Variants in SERP2 observed in about 807,000 individuals in gnomAD.
The protein encoded by SERP2 is stress-associated endoplasmic reticulum protein 2.
SERP2 carries 6 observed loss-of-function variants against 9.1 expected under a neutral mutation model. The ratio of observed to expected loss-of-function variants is 0.66; its 90% CI spans 0.36 to 1.30. SERP2 has a LOEUF of 1.30. Among genes scored for constraint, SERP2 ranks in the 50% most tolerant of loss-of-function variants. The pLI, the probability that SERP2 is intolerant of heterozygous loss-of-function variation, is 0.03. For synonymous variants in SERP2, 37 were observed against 27.3 expected, an observed-to-expected ratio of 1.35 and a Z score of -1.10; for missense variants, 58 against 81.9, an observed-to-expected ratio of 0.71 and a Z score of 1.13.
intron 2 of SERP2, among the ~76,000 whole-genome samples, chr13:44,382,072 T>C (rs1872013408): frequency 6.6e-6 from 1 of 152,072 alleles, no homozygotes; most frequent in South Asian, 2.1e-4. Context: ...AGATATCTAG[T>C]TGACCTTTTT....
rs1302118001 is a variant in SERP2, at chr13:44,379,633, C to T, written c.85-8C>T. The T allele has an allele frequency of 6.2e-7, 1 of 1,605,912 alleles. No individual in the cohort carries two copies. Among genetic ancestry groups the T allele is most frequent in the Non-Finnish European group, 8.5e-7 (1 of 1,175,536 alleles). On this transcript the variant is annotated splice_polypyrimidine_tract_variant and splice_region_variant and intron_variant, in intron 1 of 2. Coordinates refer to ENST00000379179, the MANE Select transcript of SERP2 (RefSeq NM_001010897.3). ...AACCTAATCTTACTTTTTCCCATTC[C>T]CTTTTAGAGGCCGCAAGAGGAGAAA...
intron 1 of SERP2, among the ~76,000 whole-genome samples, chr13:44,377,821 A>T (rs917131306): frequency 1.3e-5 from 2 of 152,190 alleles, no homozygotes; most frequent in Non-Finnish European, 2.9e-5. Context: ...TGAAACTTGT[A>T]TGTTTATTTG....
chr13:44,397,692 A>G lies in SERP2; in HGVS notation c.*380A>G, dbSNP rs1446125555. On this transcript the variant is annotated 3_prime_UTR_variant, in exon 3 of 3. Transcript: ENST00000379179. ...CCTCCATTGAGAATTGATTTTACAA[A>G]TAAATGTCTTCGTTCAACCTTATAC... 1 of 281,776 alleles carries G rather than the reference A, an allele frequency of 3.5e-6. No homozygotes were observed. Among genetic ancestry groups the G allele is most frequent in the Non-Finnish European group, 6.8e-6 (1 of 146,860 alleles). The allele number at this position is 281,776 out of a possible 1,614,324, so 17.5% of individuals were successfully genotyped here. A position where few individuals can be genotyped will look rare whatever the true frequency, so the allele number is the denominator to read the frequency against.
chr13:44,382,134 C>T (rs1248213086), intron 2 of SERP2, among the ~76,000 whole-genome samples: 1 of 150,630 alleles, frequency 6.6e-6, no homozygotes, highest in Non-Finnish European at 1.5e-5. Context: ...CAAAGAAGAA[C>T]GATTACTTCT....
intron 1 of SERP2, 86 bp downstream of exon 1, chr13:44,374,195 G>C: frequency 1.1e-6 from 1 of 901,158 alleles, no homozygotes; most frequent in Non-Finnish European, 1.5e-6. Flanking sequence ...GGCGGGTAGC[G>C]GCGCAGGGTC....
intron 2 of SERP2, among the ~76,000 whole-genome samples, chr13:44,391,771 G>C (rs937687004): frequency 6.6e-6 from 1 of 152,140 alleles, no homozygotes; most frequent in African/African-American, 2.4e-5. Context: ...GTCCCCAAGA[G>C]ACTGTGATGC....
At chr13:44,393,549 G>C (rs953796921) in intron 2 of SERP2, among the ~76,000 whole-genome samples, 3 of 152,232 alleles carry the variant, frequency 2.0e-5, no homozygotes, top group South Asian at 2.1e-4. Context: ...TGGAACGCCT[G>C]CTGTCCCTCC....
At chr13:44,386,453 A>G (rs1440773728) in intron 2 of SERP2, among the ~76,000 whole-genome samples, 1 of 152,136 alleles carries the variant, frequency 6.6e-6, no homozygotes, top group African/African-American at 2.4e-5. Context: ...GCACCATCTT[A>G]GCTCACTGCA....
intron 2 of SERP2, among the ~76,000 whole-genome samples, chr13:44,396,492 CTT>C (rs896584668): frequency 2.0e-5 from 3 of 150,590 alleles, no homozygotes; most frequent in South Asian, 4.2e-4. Context: ...TTACCATCAT[CTT>C]TGTCAACACT....
chr13:44,392,969 G>A (rs1257669245), intron 2 of SERP2, among the ~76,000 whole-genome samples: 1 of 152,124 alleles, frequency 6.6e-6, no homozygotes, highest in Non-Finnish European at 1.5e-5. Flanking sequence ...CAAGTTTAGA[G>A]GAAAGATCCA....
chr13:44,387,901 A>G (rs1872408111), intron 2 of SERP2, among the ~76,000 whole-genome samples: 1 of 152,186 alleles, frequency 6.6e-6, no homozygotes, highest in African/African-American at 2.4e-5. Context: ...GCCAACCCTG[A>G]TATTCATTTC....
At chr13:44,376,157 G>A (rs1410912052) in intron 1 of SERP2, among the ~76,000 whole-genome samples, 1 of 152,200 alleles carries the variant, frequency 6.6e-6, no homozygotes, top group Non-Finnish European at 1.5e-5. Flanking sequence ...TGGTTGGGGG[G>A]ATTTTGGTTA....
At chr13:44,383,716 T>C (rs1018202218) in intron 2 of SERP2, among the ~76,000 whole-genome samples, 36 of 139,766 alleles carry the variant, frequency 2.6e-4, no homozygotes, top group Admixed American at 7.8e-4. Context: ...CCCAGCTAAT[T>C]TTTTTTTTTT....
chr13:44,394,029 A>G (rs1253426056), intron 2 of SERP2, among the ~76,000 whole-genome samples: 1 of 152,258 alleles, frequency 6.6e-6, no homozygotes, highest in East Asian at 1.9e-4. Flanking sequence ...ATGATCAGGA[A>G]TGATCCTCAG....
At chr13:44,396,816 G>A (rs1352547388) in intron 2 of SERP2, among the ~76,000 whole-genome samples, 2 of 152,208 alleles carry the variant, frequency 1.3e-5, no homozygotes, top group East Asian at 3.9e-4. Context: ...GCCGGGCCCC[G>A]TGGGCTGCTC....
At chr13:44,395,074 A>C (rs1873006947) in intron 2 of SERP2, among the ~76,000 whole-genome samples, 1 of 152,262 alleles carries the variant, frequency 6.6e-6, no homozygotes, top group South Asian at 2.1e-4. Context: ...CTTGTTCGTC[A>C]GGATTAGCGA....
chr13:44,374,604 AC>A (rs1566088779), intron 1 of SERP2, among the ~76,000 whole-genome samples: 1 of 152,180 alleles, frequency 6.6e-6, no homozygotes, highest in Non-Finnish European at 1.5e-5. Flanking sequence ...AATGGAGGCC[AC>A]TTGTCATCTC....
chr13:44,375,698 G>A (rs1871609986), intron 1 of SERP2, among the ~76,000 whole-genome samples: 2 of 152,172 alleles, frequency 1.3e-5, no homozygotes, highest in African/African-American at 4.8e-5. Context: ...AAAAACCGGA[G>A]TTCAGTTGTC....
intron 2 of SERP2, among the ~76,000 whole-genome samples, chr13:44,389,848 G>GGACT (rs1347027252): frequency 6.6e-6 from 1 of 151,940 alleles, no homozygotes; most frequent in Non-Finnish European, 1.5e-5. Flanking sequence ...CATTTATTGA[G>GGACT]GACTGACTAC....
Sources: gnomAD v4.1 joint callset for allele counts (sites outside exome capture counted in the v4.1 genomes callset) on GRCh38, gnomAD v4.1.1 for gene constraint, MANE v1.5 for transcripts, NCBI Gene and HGNC (gene_info 2026-07-23, HGNC 2026-07-21) for gene names.